Variants in ZNF146 observed in about 807,000 individuals in gnomAD.
The protein encoded by ZNF146 is zinc finger protein 146.
ZNF146 carries 9 observed loss-of-function variants against 22.2 expected under a neutral mutation model. The ratio of observed to expected loss-of-function variants is 0.41; its 90% confidence interval spans 0.24 to 0.71. The LOEUF (loss-of-function observed/expected upper bound fraction) is 0.71, where lower values mean the gene tolerates loss of function less well. Ranked by LOEUF, ZNF146 falls within the 30% of genes least tolerant of loss-of-function variation. The pLI, the probability that ZNF146 is intolerant of heterozygous loss-of-function variation, is 0.34. For missense variants in ZNF146, 194 were observed against 344.8 expected (o/e 0.56, Z 3.46); for synonymous variants, 108 against 119.2 (o/e 0.91, Z 0.61).
At position 36,236,358 on chromosome 19, in the gene ZNF146, T is replaced by C; in HGVS notation, c.-83T>C. 2.7e-6 allele frequency: 4 copies of C among 1,481,570 alleles called. No individual in the cohort carries two copies. Among genetic ancestry groups the C allele is most frequent in the Non-Finnish European group, 3.6e-6 (4 of 1,104,374 alleles). 91.8% of individuals were successfully genotyped at this position (1,481,570 alleles called of 1,614,324 possible). A position where few individuals can be genotyped will look rare whatever the true frequency, so the allele number is the denominator to read the frequency against. Reference sequence around the variant, plus strand: ...TATAAATGTAAGAGATGTGGAAATATCTTCAGCCAAAAGTAAATCCTCACT... The same window carrying C: ...TATAAATGTAAGAGATGTGGAAATACCTTCAGCCAAAAGTAAATCCTCACT... On this transcript the variant is annotated 5_prime_UTR_variant, in exon 4 of 4. Transcript: ENST00000443387.
chr19:36,218,934 A>G (rs1483117914), intron 2 of ZNF146, among the ~76,000 whole-genome samples: 3 of 150,498 alleles, frequency 2.0e-5, no homozygotes, highest in African/African-American at 7.3e-5. Flanking sequence ...TTAGCCTCCC[A>G]AGTAGCTGGG....
chr19:36,225,919 C>T (rs182782041), intron 2 of ZNF146, among the ~76,000 whole-genome samples: 2 of 152,128 alleles, frequency 1.3e-5, no homozygotes, highest in East Asian at 1.9e-4. Context: ...TACCACCCCA[C>T]ACCCTGCTAA....
chr19:36,233,631 C>A (rs1977497855), intron 3 of ZNF146, among the ~76,000 whole-genome samples: 1 of 152,086 alleles, frequency 6.6e-6, no homozygotes, highest in South Asian at 2.1e-4. Context: ...AAAACGTGAA[C>A]AAATGTCTCT....
intron 3 of ZNF146, among the ~76,000 whole-genome samples, chr19:36,234,191 C>T (rs545726891): frequency 6.6e-6 from 1 of 152,284 alleles, no homozygotes; most frequent in Non-Finnish European, 1.5e-5. Context: ...TCAGTGAGCA[C>T]AGGGTTGGGG....
chr19:36,228,396 G>A (rs1977177442), intron 2 of ZNF146: 2 of 152,200 alleles, frequency 1.3e-5, no homozygotes, highest in African/African-American at 4.8e-5. Flanking sequence ...TGGGAGTGTG[G>A]TGCTAGAGAA....
At chr19:36,228,840 CCA>C (rs1408919790) in intron 3 of ZNF146, 21 bp downstream of exon 3, 1 of 152,246 alleles carries the variant, frequency 6.6e-6, no homozygotes, top group Non-Finnish European at 1.5e-5. Context: ...GACAGGCAGG[CCA>C]CAGTTTTTCA....
intron 3 of ZNF146, 97 bp downstream of exon 3, chr19:36,228,916 G>A (rs1361327459): frequency 1.3e-5 from 2 of 152,184 alleles, no homozygotes; most frequent in Non-Finnish European, 2.9e-5. Flanking sequence ...GACATATAGA[G>A]TATTGCTTGG....
At position 36,237,873 on chromosome 19, in the gene ZNF146, AC is replaced by A. The variant is rs1178099683; in HGVS notation, c.*556del. 1 of 167,102 alleles carries A rather than the reference AC, an allele frequency of 6.0e-6. No individual in the cohort carries two copies. Among genetic ancestry groups the A allele is most frequent in the Non-Finnish European group, 1.5e-5 (1 of 68,192 alleles). 10.4% of individuals were successfully genotyped at this position (167,102 alleles called of 1,614,324 possible). The stretch of plus-strand genomic sequence containing the variant: ...TTTGTTCTCCAAGGGGGAAAAATAG[AC>A]CATGAACTATACACAAAAGTGAATC... On this transcript the variant is annotated 3_prime_UTR_variant, in exon 4 of 4. Transcript: ENST00000443387.
At chr19:36,221,179 C>G (rs1269280967) in intron 2 of ZNF146, among the ~76,000 whole-genome samples, 1 of 151,304 alleles carries the variant, frequency 6.6e-6, no homozygotes, top group Non-Finnish European at 1.5e-5. Flanking sequence ...TGTATGTAGT[C>G]AAAGAACTCT....
intron 2 of ZNF146, among the ~76,000 whole-genome samples, chr19:36,222,487 A>G (rs1297239662): frequency 6.6e-6 from 1 of 152,100 alleles, no homozygotes; most frequent in Non-Finnish European, 1.5e-5. Flanking sequence ...AAGTACTTAC[A>G]CTCCCACAAG....
chr19:36,232,609 C>CTT (rs548903056), intron 3 of ZNF146, among the ~76,000 whole-genome samples: 57 of 140,054 alleles, frequency 4.1e-4, no homozygotes, highest in East Asian at 6.1e-4. Flanking sequence ...TTTCTTTTTT[C>CTT]TTTTTTTTTT....
intron 3 of ZNF146, among the ~76,000 whole-genome samples, chr19:36,232,602 CTTTTTTCT>C (rs892663687): frequency 2.9e-5 from 4 of 137,536 alleles, no homozygotes; most frequent in African/African-American, 8.0e-5. Context: ...GTTCTTTTTT[CTTTTTTCT>C]TTTTTTTTTT....
At chr19:36,233,073 T>C (rs555648018) in intron 3 of ZNF146, among the ~76,000 whole-genome samples, 131 of 152,358 alleles carry the variant, frequency 8.6e-4, no homozygotes, top group Middle Eastern at 3.4e-3. Context: ...AAATTAAATA[T>C]GTATTTTCTA....
intron 1 of ZNF146, among the ~76,000 whole-genome samples, chr19:36,216,323 C>T: frequency 6.6e-6 from 1 of 152,008 alleles, no homozygotes; most frequent in Non-Finnish European, 1.5e-5. Flanking sequence ...GAAGTGTGCG[C>T]AAACTTAAGT....
intron 2 of ZNF146, among the ~76,000 whole-genome samples, chr19:36,221,547 CAAAG>C (rs1976838881): frequency 6.6e-6 from 1 of 152,116 alleles, no homozygotes; most frequent in Admixed American, 6.6e-5. Flanking sequence ...ATCAGCCTCC[CAAAG>C]TACTGGGATT....
intron 2 of ZNF146, among the ~76,000 whole-genome samples, chr19:36,227,743 G>A (rs1977137156): frequency 6.6e-6 from 1 of 152,086 alleles, no homozygotes; most frequent in Non-Finnish European, 1.5e-5. Flanking sequence ...TATAAGGACG[G>A]TGTGTCACTG....
At chr19:36,224,452 A>C (rs1187031701) in intron 2 of ZNF146, among the ~76,000 whole-genome samples, 1 of 152,084 alleles carries the variant, frequency 6.6e-6, no homozygotes, top group East Asian at 1.9e-4. Context: ...CTAAATTCTC[A>C]CATTTATTTG....
chr19:36,221,016 C>T (rs1426783603), intron 2 of ZNF146, among the ~76,000 whole-genome samples: 1 of 151,772 alleles, frequency 6.6e-6, no homozygotes, highest in Non-Finnish European at 1.5e-5. Flanking sequence ...TGACGCCTAG[C>T]TAATTTTTGT....
intron 2 of ZNF146, among the ~76,000 whole-genome samples, chr19:36,227,109 C>T (rs983732042): frequency 1.2e-4 from 18 of 149,928 alleles, no homozygotes; most frequent in Admixed American, 4.0e-4. Flanking sequence ...TTTTTTTTGG[C>T]TGGGCGCAGT....
Sources: allele counts gnomAD v4.1 joint callset (sites outside exome capture counted in the v4.1 genomes callset), GRCh38; gene constraint gnomAD v4.1.1; transcripts MANE v1.5; gene names NCBI Gene and HGNC (gene_info 2026-07-23, HGNC 2026-07-21).